Variants in BCAR3 observed in about 807,000 individuals in gnomAD.
BCAR3 encodes breast cancer anti-estrogen resistance protein 3.
BCAR3 carries 37 observed loss-of-function variants against 80.1 expected under a neutral mutation model. That is an observed-to-expected ratio of 0.46 (90% confidence interval 0.36 to 0.61). The LOEUF (loss-of-function observed/expected upper bound fraction) is 0.61. Ranked by LOEUF, BCAR3 falls within the 20% of genes least tolerant of loss-of-function variation. BCAR3 has a pLI of 0.00. For synonymous variants in BCAR3, 389 were observed against 418.9 expected (o/e 0.93, Z 0.87); for missense variants, 978 against 1,068.2 (o/e 0.92, Z 1.18).
intron 2 of BCAR3, among the ~76,000 whole-genome samples, chr1:93,796,387 G>A (rs1174805574): frequency 6.9e-6 from 1 of 144,770 alleles, no homozygotes; most frequent in African/African-American, 2.8e-5. Context: ...GGTCTGAAAA[G>A]CGCAATATTC....
intron 2 of BCAR3, among the ~76,000 whole-genome samples, chr1:93,826,681 G>A (rs993511357): frequency 6.6e-6 from 1 of 152,160 alleles, no homozygotes; most frequent in Non-Finnish European, 1.5e-5. Context: ...GGTGCTAAAG[G>A]AATATATAAC....
At chr1:93,763,682 ACT>A (rs1652038699) in intron 2 of BCAR3, among the ~76,000 whole-genome samples, 1 of 151,728 alleles carries the variant, frequency 6.6e-6, no homozygotes, top group Non-Finnish European at 1.5e-5. Flanking sequence ...CTCTCTCCAG[ACT>A]CATCCATTTT....
intron 3 of BCAR3, among the ~76,000 whole-genome samples, chr1:93,625,533 C>T (rs1217348646): frequency 1.3e-5 from 2 of 152,150 alleles, no homozygotes; most frequent in Non-Finnish European, 2.9e-5. Context: ...CATCAGTTTC[C>T]TTATTTCTTC....
At chr1:93,622,795 TA>T (rs1331460297) in intron 3 of BCAR3, among the ~76,000 whole-genome samples, 1 of 152,144 alleles carries the variant, frequency 6.6e-6, no homozygotes, top group African/African-American at 2.4e-5. Context: ...AGAAGGTCAA[TA>T]TTTGCCCTTC....
At chr1:93,673,269 TGCTCC>T (rs1648307581) in intron 2 of BCAR3, among the ~76,000 whole-genome samples, 2 of 152,240 alleles carry the variant, frequency 1.3e-5, no homozygotes, top group Non-Finnish European at 2.9e-5. Flanking sequence ...TTGCTTCAGA[TGCTCC>T]ACTGCTACCC....
rs1009629697 is a variant in BCAR3 at position 93,657,714 on chromosome 1, T to C, written c.318-15371A>G. On this transcript the variant is annotated intron_variant, in intron 2 of 11. Coordinates refer to ENST00000260502, the MANE Select transcript of BCAR3 (RefSeq NM_003567.4). ...AAGCATTAAAAGAATCCTTTAAGTC[T>C]GATGTATGGCCCACAAAAAAAAAAA... Among the ~76,000 whole-genome samples the C allele has an allele frequency of 2.0e-5, 3 of 150,924 alleles. No homozygotes were observed. The East Asian group carries it at 5.8e-4, about 29-fold the overall frequency.
At chr1:93,623,454 A>G (rs931186494) in intron 3 of BCAR3, among the ~76,000 whole-genome samples, 3 of 152,160 alleles carry the variant, frequency 2.0e-5, no homozygotes, top group Non-Finnish European at 4.4e-5. Context: ...GAGACCAAAC[A>G]GAGTCCTTCC....
In BCAR3 at chr1:93,582,341, G is replaced by A. The variant is rs753513831; in HGVS notation, c.1646C>T (p.Pro549Leu). The A allele has an allele frequency of 2.5e-6, 4 of 1,614,180 alleles. No individual in the cohort carries two copies. Among genetic ancestry groups the A allele is most frequent in the East Asian group, 2.2e-5 (1 of 44,886 alleles). ...RAKELFTNND[P>L]KVIAQHVLSM... ...CAGTACGTGCTGGGCGATGACCTTG[G>A]GGTCGTTGTTGGTGAACAGTTCTTT... The change falls in exon 7 of 12, where the codon CCC (proline) becomes CTC (leucine). Residue 549 changes from proline to leucine, a missense_variant. Physicochemically the swap from Pro to Leu is moderately conservative, Grantham distance 98 (BLOSUM62 -3). Coordinates refer to ENST00000260502, the MANE Select transcript of BCAR3 (RefSeq NM_003567.4).
chr1:93,616,828 G>A (rs1675143948), intron 3 of BCAR3, among the ~76,000 whole-genome samples: 1 of 152,172 alleles, frequency 6.6e-6, no homozygotes, highest in South Asian at 2.1e-4. Context: ...GCAGCTCTGA[G>A]CTCTGGAAAA....
intron 2 of BCAR3, among the ~76,000 whole-genome samples, chr1:93,728,082 G>A (rs1266161051): frequency 6.6e-6 from 1 of 152,208 alleles, no homozygotes; most frequent in African/African-American, 2.4e-5. Context: ...CCCTCCAGAG[G>A]GAGTGTATCC....
intron 3 of BCAR3, among the ~76,000 whole-genome samples, chr1:93,603,218 G>A (rs751041866): frequency 3.9e-5 from 6 of 152,236 alleles, no homozygotes; most frequent in African/African-American, 9.6e-5. Context: ...AAATGTGAAC[G>A]TGGGCAATTG....
chr1:93,699,460 T>G (rs773517470), intron 3 of BCAR3, among the ~76,000 whole-genome samples: 2 of 152,098 alleles, frequency 1.3e-5, no homozygotes, highest in African/African-American at 2.4e-5. Context: ...ACCTCGAGGA[T>G]TTCTGTAGGG....
chr1:93,803,894 G>A (rs1653577135), intron 2 of BCAR3, among the ~76,000 whole-genome samples: 1 of 152,198 alleles, frequency 6.6e-6, no homozygotes, highest in South Asian at 2.1e-4. Context: ...ATATGCTATT[G>A]ATGTATATAG....
chr1:93,727,367 G>T (rs1340714427), intron 2 of BCAR3, among the ~76,000 whole-genome samples: 1 of 152,182 alleles, frequency 6.6e-6, no homozygotes, highest in Non-Finnish European at 1.5e-5. Flanking sequence ...TTCACTCTTG[G>T]TTATTTACTG....
intron 2 of BCAR3, among the ~76,000 whole-genome samples, chr1:93,752,229 A>C (rs558377431): frequency 6.6e-6 from 1 of 152,294 alleles, no homozygotes; most frequent in South Asian, 2.1e-4. Flanking sequence ...AATCTCCTGT[A>C]GAGGCCATTT....
At position 93,845,474 on chromosome 1, in the gene BCAR3, A is replaced by C. The variant is rs1187342745; in HGVS notation, c.-63+93T>G. ...GGGCATAACAATTTTATATATATAT[A>C]TATATATATATATATATATATATAT... is the stretch of plus-strand genomic sequence containing the variant. On this transcript the variant is annotated intron_variant, in intron 2 of 13. Coordinates refer to the BCAR3 transcript ENST00000370244. 9.5e-3 allele frequency: 18 copies of C among 1,904 alleles called. 1 individual carries two copies. Among genetic ancestry groups the C allele is most frequent in the African/African-American group, 0.014 (6 of 440 alleles). The allele number at this position is 1,904 out of a possible 1,614,324, so 0.1% of individuals were successfully genotyped here. A position where few individuals can be genotyped will look rare whatever the true frequency, so the allele number is the denominator to read the frequency against.
intron 3 of BCAR3, chr1:93,605,547 A>T (rs1674749537): frequency 6.6e-6 from 1 of 152,246 alleles, no homozygotes; most frequent in Non-Finnish European, 1.5e-5. Context: ...GCTAAGGCAG[A>T]CCCTAATAAA....
At chr1:93,754,852 A>T (rs1326808682) in intron 2 of BCAR3, among the ~76,000 whole-genome samples, 1 of 152,222 alleles carries the variant, frequency 6.6e-6, no homozygotes, top group Non-Finnish European at 1.5e-5. Flanking sequence ...CCTACTAAAA[A>T]AAAGTTAACT....
chr1:93,615,732 C>T (rs750830990), intron 3 of BCAR3, among the ~76,000 whole-genome samples: 1 of 152,112 alleles, frequency 6.6e-6, no homozygotes, highest in Non-Finnish European at 1.5e-5. Context: ...AGGGTAAGTC[C>T]GTGTGAGCAG....
Sources: gnomAD v4.1 joint callset for allele counts (sites outside exome capture counted in the v4.1 genomes callset) on GRCh38, gnomAD v4.1.1 for gene constraint, MANE v1.5 for transcripts, NCBI Gene and HGNC (gene_info 2026-07-23, HGNC 2026-07-21) for gene names.